LIMS1: variants seen among roughly 807,000 people sequenced by gnomAD.
The protein encoded by LIMS1 is LIM and senescent cell antigen-like-containing domain protein 1.
A neutral mutation model predicts 44.1 loss-of-function variants in LIMS1; 18 were observed. That is an observed-to-expected ratio of 0.41 (90% confidence interval 0.28 to 0.61). The LOEUF is 0.61. Ranked by LOEUF, LIMS1 falls within the 20% of genes least tolerant of loss-of-function variation. The probability of loss-of-function intolerance (pLI) is 0.32; values close to 1 mark genes in which losing one functional copy is unlikely to be tolerated. For synonymous variants in LIMS1, 93 were observed against 149.1 expected, an observed-to-expected ratio of 0.62 and a Z score of 2.74; for missense variants, 201 against 422.0, an observed-to-expected ratio of 0.48 and a Z score of 4.59.
At chr2:108,620,084 T>TGG (rs1487500818) in intron 1 of LIMS1, among the ~76,000 whole-genome samples, 2 of 152,248 alleles carry the variant, frequency 1.3e-5, no homozygotes, top group Non-Finnish European at 2.9e-5. Context: ...TTGTTTTTCC[T>TGG]GGGGCCGTGG....
chr2:108,586,220 CAAAAA>C (rs898481190), intron 1 of LIMS1, among the ~76,000 whole-genome samples: 1 of 151,624 alleles, frequency 6.6e-6, no homozygotes, highest in African/African-American at 2.4e-5. Flanking sequence ...AAAAAACAAA[CAAAAA>C]AAGAAAATGG....
intron 1 of LIMS1, among the ~76,000 whole-genome samples, chr2:108,551,507 A>G (rs1206351181): frequency 6.9e-6 from 1 of 144,220 alleles, no homozygotes; most frequent in Non-Finnish European, 1.5e-5. Flanking sequence ...ACACACACAC[A>G]CACACACACA....
intron 1 of LIMS1, among the ~76,000 whole-genome samples, chr2:108,570,980 A>G (rs1685461393): frequency 6.6e-6 from 1 of 152,202 alleles, no homozygotes; most frequent in Admixed American, 6.5e-5. Flanking sequence ...TGCTAAAAAC[A>G]TTTCAAATGT....
intron 5 of LIMS1, among the ~76,000 whole-genome samples, chr2:108,674,305 G>A (rs1425562461): frequency 1.3e-5 from 2 of 152,032 alleles, no homozygotes; most frequent in African/African-American, 2.4e-5. Context: ...ACTCGAACCT[G>A]GGAGACAGAG....
chr2:108,677,579 C>T (rs926257894), intron 7 of LIMS1: 8 of 211,156 alleles, frequency 3.8e-5, no homozygotes, highest in African/African-American at 1.6e-4. Flanking sequence ...TTCAGCACCC[C>T]TTGATGATTC....
intron 8 of LIMS1, among the ~76,000 whole-genome samples, chr2:108,680,142 G>A (rs1007603060): frequency 6.6e-6 from 1 of 151,934 alleles, no homozygotes; most frequent in African/African-American, 2.4e-5. Context: ...AGGCCAAGAC[G>A]GGCGGATCAC....
chr2:108,663,270 T>C (rs2433811), intron 2 of LIMS1, among the ~76,000 whole-genome samples: 6 of 151,938 alleles, frequency 3.9e-5, no homozygotes, highest in Admixed American at 2.0e-4. Flanking sequence ...AGGCACACAC[T>C]ACCACAGCCA....
At chr2:108,536,243 A>G (rs1178729643) in intron 1 of LIMS1, among the ~76,000 whole-genome samples, 1 of 152,224 alleles carries the variant, frequency 6.6e-6, no homozygotes, top group African/African-American at 2.4e-5. Flanking sequence ...ATTATTGTGC[A>G]TCCGTAACCA....
At position 108,585,459 on chromosome 2, in the gene LIMS1, T is replaced by G. The variant is rs113923830; in HGVS notation, c.32+50865T>G. ...GGGAGTTTATTTTAGGCATCATGAG[T>G]TTGAGTTGCCTGTGACGATATCTGT... On this transcript the variant is annotated intron_variant, in intron 1 of 9. Transcript: ENST00000544547. 3.0e-3 allele frequency among the ~76,000 whole-genome samples: 461 copies of G among 152,040 alleles called. 1 individual carries two copies. The highest frequency in any genetic ancestry group is 8.8e-3 in the African/African-American group (363 of 41,474).
rs140653227 is a variant in LIMS1 at position 108,641,645 on chromosome 2, C to G, written c.33-17960C>G. On this transcript the variant is annotated intron_variant, in intron 1 of 9. Coordinates refer to ENST00000544547, the Ensembl canonical transcript of LIMS1. ...CTAATACAAACATGTAAAAAATGTG[C>G]TATTTTCTTTATTTTAAACTAGCTT... Among the ~76,000 whole-genome samples, 512 of 152,248 alleles carry G rather than the reference C, an allele frequency of 3.4e-3. 2 individuals carry two copies. The highest frequency in any genetic ancestry group is 0.011 in the African/African-American group (469 of 41,552).
At chr2:108,569,129 G>A (rs1685394433) in intron 1 of LIMS1, among the ~76,000 whole-genome samples, 1 of 152,178 alleles carries the variant, frequency 6.6e-6, no homozygotes, top group African/African-American at 2.4e-5. Context: ...TTGACCTCAT[G>A]ATCTGCCTAC....
At chr2:108,567,324 G>A (rs1011773386) in intron 1 of LIMS1, among the ~76,000 whole-genome samples, 1 of 152,142 alleles carries the variant, frequency 6.6e-6, no homozygotes, top group Non-Finnish European at 1.5e-5. Flanking sequence ...CCTGTGACGG[G>A]ATGGAGTCTC....
At chr2:108,597,891 A>T (rs545333940) in intron 1 of LIMS1, among the ~76,000 whole-genome samples, 1 of 151,676 alleles carries the variant, frequency 6.6e-6, no homozygotes, top group Non-Finnish European at 1.5e-5. Context: ...ACGGGGTTTC[A>T]CTATGTTGGC....
chr2:108,640,957 C>T (rs1689631989), intron 1 of LIMS1, among the ~76,000 whole-genome samples: 1 of 152,196 alleles, frequency 6.6e-6, no homozygotes, highest in South Asian at 2.1e-4. Context: ...TTCCCACCCT[C>T]TAATAACCAA....
chr2:108,649,983 T>G (rs1188919908), intron 1 of LIMS1, among the ~76,000 whole-genome samples: 1 of 152,096 alleles, frequency 6.6e-6, no homozygotes, highest in Admixed American at 6.5e-5. Flanking sequence ...ATAAATACTT[T>G]CAACAGTAAA....
intron 2 of LIMS1, 29 bp from the exon 3 acceptor site, chr2:108,670,752 T>A (rs1410828199): frequency 1.2e-6 from 2 of 1,611,690 alleles, no homozygotes; most frequent in African/African-American, 1.3e-5. Flanking sequence ...TGTTTCGTGT[T>A]TGTAAGTTGG....
chr2:108,566,843 C>T (rs759609467), intron 1 of LIMS1, among the ~76,000 whole-genome samples: 6 of 152,102 alleles, frequency 3.9e-5, no homozygotes, highest in East Asian at 3.9e-4. Context: ...GTGATGCTCC[C>T]GCCTCAGCCT....
intron 1 of LIMS1, among the ~76,000 whole-genome samples, chr2:108,576,499 C>G (rs1278565157): frequency 2.0e-5 from 3 of 152,166 alleles, no homozygotes; most frequent in African/African-American, 7.2e-5. Flanking sequence ...CTCCCGGGTT[C>G]AAGCGATTCT....
At chr2:108,552,843 G>A (rs1020387434) in intron 1 of LIMS1, among the ~76,000 whole-genome samples, 11 of 152,002 alleles carry the variant, frequency 7.2e-5, no homozygotes, top group African/African-American at 2.4e-4. Flanking sequence ...CTCCCAAAGT[G>A]CTGGAATTAC....
Sources: allele counts gnomAD v4.1 joint callset (sites outside exome capture counted in the v4.1 genomes callset), GRCh38; gene constraint gnomAD v4.1.1; transcripts MANE v1.5; gene names NCBI Gene and HGNC (gene_info 2026-07-23, HGNC 2026-07-21).